PABPC4L: variants seen among roughly 807,000 people sequenced by gnomAD.
The protein encoded by PABPC4L is polyadenylate-binding protein 4-like.
For synonymous variants in PABPC4L, 169 were observed against 164.1 expected (o/e 1.03, Z -0.23); for missense variants, 452 against 451.4 (o/e 1.00, Z -0.01).
chr4:134,113,091 T>G, the PABPC4L span, among the ~76,000 whole-genome samples: 2 of 151,884 alleles, frequency 1.3e-5, no homozygotes, highest in African/African-American at 4.8e-5. Context: ...AAGAAAGAAA[T>G]ATTTTCATAC....
the PABPC4L span, among the ~76,000 whole-genome samples, chr4:134,115,257 T>C: frequency 6.6e-6 from 1 of 151,940 alleles, no homozygotes; most frequent in Admixed American, 6.6e-5. Context: ...TCTATGGTCC[T>C]AGTGATCAAA....
chr4:134,188,711 C>T, the PABPC4L span, among the ~76,000 whole-genome samples: 5 of 151,896 alleles, frequency 3.3e-5, no homozygotes, highest in Non-Finnish European at 5.9e-5. Flanking sequence ...TCTTTTTCTT[C>T]TGACTTTTTT....
chr4:134,131,943 C>T, the PABPC4L span, among the ~76,000 whole-genome samples: 1 of 151,762 alleles, frequency 6.6e-6, no homozygotes, highest in African/African-American at 2.4e-5. Flanking sequence ...TTCAACAAAG[C>T]AAACAAAAAC....
At chr4:134,133,746 G>A in the PABPC4L span, among the ~76,000 whole-genome samples, 1 of 151,670 alleles carries the variant, frequency 6.6e-6, no homozygotes, top group African/African-American at 2.4e-5. Flanking sequence ...GGATGGGTGC[G>A]CCAAAATCTC....
At chr4:134,026,639 T>C in the PABPC4L span, among the ~76,000 whole-genome samples, 1 of 152,112 alleles carries the variant, frequency 6.6e-6, no homozygotes, top group Non-Finnish European at 1.5e-5. Flanking sequence ...AAAATTCATA[T>C]ATTGACGTCG....
chr4:134,130,574 A>G, the PABPC4L span, among the ~76,000 whole-genome samples: 4 of 152,272 alleles, frequency 2.6e-5, no homozygotes, highest in African/African-American at 9.6e-5. Context: ...AGGCCCAGAG[A>G]GATTCATAGC....
At chr4:134,113,288 A>G in the PABPC4L span, among the ~76,000 whole-genome samples, 569 of 151,996 alleles carry the variant, frequency 3.7e-3, 2 homozygotes, top group African/African-American at 0.013. Context: ...CCTCACATTC[A>G]CTCACCACTC....
At position 134,197,405 on chromosome 4, in the gene PABPC4L, T is replaced by C. The variant is rs1729695860; in HGVS notation, c.*2502A>G. 2 of 151,750 alleles carry C rather than the reference T, an allele frequency of 1.3e-5. No individual in the cohort carries two copies. Among genetic ancestry groups the C allele is most frequent in the South Asian group, 2.1e-4 (1 of 4,830 alleles). The allele number at this position is 151,750 out of a possible 1,614,324, so 9.4% of individuals were successfully genotyped here. A position where few individuals can be genotyped will look rare whatever the true frequency, so the allele number is the denominator to read the frequency against. ...AATACAGATAAATTGTGTGGGTGTA[T>C]ATATATTTGTGTGAATATATGTATT... On this transcript the variant is annotated 3_prime_UTR_variant, in exon 2 of 2. Coordinates refer to ENST00000421491, the MANE Select transcript of PABPC4L (RefSeq NM_001114734.2).
chr4:134,081,363 G>A, the PABPC4L span, among the ~76,000 whole-genome samples: 1 of 152,092 alleles, frequency 6.6e-6, no homozygotes. Context: ...AAAGAAAGAA[G>A]CACTAAACAT....
At chr4:134,065,586 G>A in the PABPC4L span, among the ~76,000 whole-genome samples, 115 of 151,892 alleles carry the variant, frequency 7.6e-4, 1 homozygote, top group African/African-American at 2.6e-3. Flanking sequence ...GCTCTGTTTA[G>A]AGTTCCTTTT....
the PABPC4L span, among the ~76,000 whole-genome samples, chr4:134,176,860 C>A: frequency 1.3e-5 from 2 of 152,148 alleles, no homozygotes; most frequent in Non-Finnish European, 2.9e-5. Flanking sequence ...CATACCCCCA[C>A]TGCACTTCTA....
chr4:134,066,911 C>T, the PABPC4L span, among the ~76,000 whole-genome samples: 1 of 152,022 alleles, frequency 6.6e-6, no homozygotes, highest in South Asian at 2.1e-4. Flanking sequence ...GGTGGATTAG[C>T]TTTTTTATGT....
chr4:134,193,036 TA>T (rs1379190840), downstream of PABPC4L, among the ~76,000 whole-genome samples: 1 of 152,058 alleles, frequency 6.6e-6, no homozygotes, highest in African/African-American at 2.4e-5. Context: ...TTCTAAATAA[TA>T]AAAAATTACC....
the PABPC4L span, among the ~76,000 whole-genome samples, chr4:134,049,977 ACTC>A: frequency 6.6e-6 from 1 of 152,088 alleles, no homozygotes; most frequent in Non-Finnish European, 1.5e-5. Flanking sequence ...AGTATTTTAA[ACTC>A]CTTTCACTGG....
At chr4:134,187,448 A>G in the PABPC4L span, among the ~76,000 whole-genome samples, 1 of 150,876 alleles carries the variant, frequency 6.6e-6, no homozygotes, top group African/African-American at 2.4e-5. Flanking sequence ...CAAGGACAGA[A>G]AGCCAAACAC....
the PABPC4L span, among the ~76,000 whole-genome samples, chr4:133,965,769 T>C: frequency 1.3e-5 from 2 of 152,120 alleles, no homozygotes; most frequent in East Asian, 1.9e-4. Flanking sequence ...GCTAGCCATA[T>C]GTAGGAGAAT....
the PABPC4L span, among the ~76,000 whole-genome samples, chr4:134,033,502 A>C: frequency 6.6e-6 from 1 of 151,952 alleles, no homozygotes; most frequent in East Asian, 1.9e-4. Context: ...GCAGACCAAA[A>C]ACTAGGCCTC....
the PABPC4L span, among the ~76,000 whole-genome samples, chr4:134,171,471 T>G: frequency 7.2e-5 from 11 of 152,258 alleles, no homozygotes; most frequent in Non-Finnish European, 1.5e-4. Context: ...TAAATGGGGC[T>G]GTTTTTTGCT....
At chr4:134,017,898 C>T in the PABPC4L span, among the ~76,000 whole-genome samples, 5 of 151,940 alleles carry the variant, frequency 3.3e-5, no homozygotes, top group South Asian at 4.2e-4. Context: ...TCCATACCAC[C>T]CCCCAAAATT....
Sources: allele counts gnomAD v4.1 joint callset (sites outside exome capture counted in the v4.1 genomes callset), GRCh38; gene constraint gnomAD v4.1.1; transcripts MANE v1.5; gene names NCBI Gene and HGNC (gene_info 2026-07-23, HGNC 2026-07-21).